The following ZDHHC14 variants were observed in gnomAD, a reference collection of about 807,000 sequenced individuals.
The protein encoded by ZDHHC14 is zDHHC palmitoyltransferase 14.
ZDHHC14 carries 16 observed loss-of-function variants against 47.7 expected under a neutral mutation model. That is an observed-to-expected ratio of 0.34 (90% CI 0.23 to 0.51). ZDHHC14 has a LOEUF of 0.51. Among genes scored for constraint, ZDHHC14 ranks in the 20% least tolerant of loss-of-function variants. The pLI, the probability that ZDHHC14 is intolerant of heterozygous loss-of-function variation, is 0.97. For synonymous variants in ZDHHC14, 293 were observed against 278.9 expected (o/e 1.05, Z -0.50); for missense variants, 515 against 662.5 (o/e 0.78, Z 2.44).
At chr6:157,435,100 A>G (rs1443714118) in intron 1 of ZDHHC14, among the ~76,000 whole-genome samples, 1 of 152,248 alleles carries the variant, frequency 6.6e-6, no homozygotes, top group East Asian at 1.9e-4. Context: ...AGGAATCGCC[A>G]TAGCAGTTCC....
chr6:157,542,703 C>T lies in ZDHHC14; in HGVS notation c.364C>T (p.Arg122Ter), dbSNP rs769377634. The change falls in exon 2 of 9, where the codon CGA becomes TGA. Residue 122 changes from arginine to a stop codon, truncating the protein, a stop_gained. Transcript: ENST00000359775. LOFTEE classifies it high-confidence loss of function. ...CTTCAGCGACCCCGGAGTCCTCCCACGAGCCACGCCTGATGAAGCCGCCGA... is the reference window on the plus strand; with the variant it reads ...CTTCAGCGACCCCGGAGTCCTCCCATGAGCCACGCCTGATGAAGCCGCCGA... The part of the protein sequence containing the change: ...TSFSDPGVLP[R>*]ATPDEAADLE... 1.9e-6 allele frequency: 3 copies of T among 1,611,670 alleles called. No individual in the cohort carries two copies. The highest frequency in any genetic ancestry group is 8.5e-7 in the Non-Finnish European group (1 of 1,179,360).
intron 5 of ZDHHC14, among the ~76,000 whole-genome samples, chr6:157,633,729 G>T (rs936332141): frequency 6.6e-6 from 1 of 152,190 alleles, no homozygotes; most frequent in Admixed American, 6.5e-5. Flanking sequence ...CACCCACCCA[G>T]GCTGGAGTGC....
chr6:157,486,998 A>C (rs1779796566), intron 1 of ZDHHC14, among the ~76,000 whole-genome samples: 1 of 152,228 alleles, frequency 6.6e-6, no homozygotes, highest in African/African-American at 2.4e-5. Flanking sequence ...GCACTTTTGC[A>C]AGTGAAGATG....
At chr6:157,660,011 G>A (rs1778276627) in intron 8 of ZDHHC14, among the ~76,000 whole-genome samples, 1 of 152,064 alleles carries the variant, frequency 6.6e-6, no homozygotes, top group Admixed American at 6.5e-5. Context: ...AATGGACAGA[G>A]CGTTGCTAAT....
intron 2 of ZDHHC14, among the ~76,000 whole-genome samples, chr6:157,570,802 T>C (rs957956285): frequency 1.3e-4 from 19 of 150,494 alleles, no homozygotes; most frequent in African/African-American, 3.0e-4. Context: ...CACATATATA[T>C]ACACACACAC....
chr6:157,526,048 A>T (rs1333597833), intron 1 of ZDHHC14, among the ~76,000 whole-genome samples: 1 of 152,238 alleles, frequency 6.6e-6, no homozygotes, highest in Non-Finnish European at 1.5e-5. Context: ...TTTCACTTTA[A>T]ACTTCAGGGA....
chr6:157,387,985 T>C (rs549965822), intron 1 of ZDHHC14, among the ~76,000 whole-genome samples: 2 of 152,386 alleles, frequency 1.3e-5, no homozygotes, highest in Admixed American at 6.5e-5. Flanking sequence ...GTAATTCTTC[T>C]GAATTCAAGT....
chr6:157,603,565 G>A (rs536794464), intron 3 of ZDHHC14, among the ~76,000 whole-genome samples: 84 of 152,270 alleles, frequency 5.5e-4, no homozygotes, highest in African/African-American at 1.8e-3. Flanking sequence ...TATAAAGTGA[G>A]CTGATGACAG....
At chr6:157,501,942 G>A (rs1202753863) in intron 1 of ZDHHC14, among the ~76,000 whole-genome samples, 1 of 152,146 alleles carries the variant, frequency 6.6e-6, no homozygotes, top group Non-Finnish European at 1.5e-5. Flanking sequence ...GGATTCTAAG[G>A]CCAAGACTCA....
At chr6:157,539,361 A>G (rs2365614) in intron 1 of ZDHHC14, among the ~76,000 whole-genome samples, 60,107 of 151,658 alleles carry the variant, frequency 0.4, 12,048 homozygotes, top group Admixed American at 0.45. Flanking sequence ...CCATGATCAT[A>G]CCACTGCACT....
At chr6:157,650,030 GGT>G (rs1273713838) in intron 7 of ZDHHC14, among the ~76,000 whole-genome samples, 7 of 145,182 alleles carry the variant, frequency 4.8e-5, no homozygotes, top group African/African-American at 1.1e-4. Context: ...AGGCGCTGGG[GGT>G]GCACGGGAGA....
chr6:157,439,725 C>T lies in ZDHHC14; in HGVS notation c.245+57459C>T, dbSNP rs149697106. Among the ~76,000 whole-genome samples the T allele has an allele frequency of 1.3e-4, 20 of 152,276 alleles. No homozygotes were observed. In the East Asian group the frequency reaches 2.7e-3, roughly 21 times the overall value. ...TCATGCATACATATATTCATTGCAG[C>T]ACTATTCACGATAGCAAAGACATGG... On this transcript the variant is annotated intron_variant, in intron 1 of 8. Transcript: ENST00000359775.
chr6:157,562,586 T>C (rs1421327378), intron 2 of ZDHHC14, among the ~76,000 whole-genome samples: 1 of 152,102 alleles, frequency 6.6e-6, no homozygotes, highest in Non-Finnish European at 1.5e-5. Flanking sequence ...CCTAAGCTGC[T>C]GCCTCTCGCT....
chr6:157,517,117 G>A (rs915827772), intron 1 of ZDHHC14, among the ~76,000 whole-genome samples: 3 of 152,132 alleles, frequency 2.0e-5, no homozygotes, highest in Non-Finnish European at 4.4e-5. Context: ...GAGGCCAAGC[G>A]AGGGCCTCAT....
intron 1 of ZDHHC14, among the ~76,000 whole-genome samples, chr6:157,449,816 G>A (rs1015170353): frequency 6.6e-6 from 1 of 152,088 alleles, no homozygotes; most frequent in South Asian, 2.1e-4. Flanking sequence ...GTAACCTCAG[G>A]CAAACTGCTG....
intron 2 of ZDHHC14, among the ~76,000 whole-genome samples, chr6:157,560,359 C>A (rs1384953881): frequency 6.6e-6 from 1 of 152,224 alleles, no homozygotes; most frequent in African/African-American, 2.4e-5. Flanking sequence ...GGCCAACCAC[C>A]ACGTCCTCGT....
chr6:157,567,482 G>A (rs1782945937), intron 2 of ZDHHC14, among the ~76,000 whole-genome samples: 1 of 152,118 alleles, frequency 6.6e-6, no homozygotes, highest in Admixed American at 6.6e-5. Flanking sequence ...CAACCTGGAG[G>A]TCCATGACAA....
At chr6:157,515,503 C>T (rs1704032351) in intron 1 of ZDHHC14, among the ~76,000 whole-genome samples, 1 of 148,500 alleles carries the variant, frequency 6.7e-6, no homozygotes, top group South Asian at 2.2e-4. Context: ...GCTCTGTCGC[C>T]CAGGCTGGAA....
intron 1 of ZDHHC14, among the ~76,000 whole-genome samples, chr6:157,460,713 C>A (rs1779058977): frequency 6.6e-6 from 1 of 152,078 alleles, no homozygotes; most frequent in Admixed American, 6.5e-5. Context: ...TTAGTTGTAC[C>A]CTTAAGTTAT....
Sources: gnomAD v4.1 joint callset for allele counts (sites outside exome capture counted in the v4.1 genomes callset) on GRCh38, gnomAD v4.1.1 for gene constraint, MANE v1.5 for transcripts, NCBI Gene and HGNC (gene_info 2026-07-23, HGNC 2026-07-21) for gene names.